Variants in TMEM45B observed in about 807,000 individuals in gnomAD.
The protein encoded by TMEM45B is transmembrane protein 45B.
In TMEM45B, 29 loss-of-function variants were observed where a neutral mutation model predicts 27.3. That is an observed-to-expected ratio of 1.06 (90% CI 0.79 to 1.45). The LOEUF (loss-of-function observed/expected upper bound fraction) is 1.45. TMEM45B is among the 40% of genes most tolerant of loss of function. The pLI is 0.00. For missense variants in TMEM45B, 348 were observed against 343.9 expected (o/e 1.01, Z -0.09); for synonymous variants, 143 against 134.7 (o/e 1.06, Z -0.43).
rs181671995 is a variant in TMEM45B at position 129,851,947 on chromosome 11, G to T, written c.-8-528G>T. Among the ~76,000 whole-genome samples, 40 of 152,160 alleles carry T rather than the reference G, an allele frequency of 2.6e-4. No individual in the cohort carries two copies. The East Asian group carries it at 5.6e-3, about 21-fold the overall frequency. ...TTCGTTTGCCCATCTCTAATTTCCG[G>T]GAGATTTATAATTTGTTTGTATTAT... On this transcript the variant is annotated intron_variant, in intron 1 of 5. Coordinates refer to ENST00000281441, the MANE Select transcript of TMEM45B (RefSeq NM_138788.5).
At chr11:129,846,663 T>TAA (rs372465526) in intron 1 of TMEM45B, among the ~76,000 whole-genome samples, 1 of 151,632 alleles carries the variant, frequency 6.6e-6, no homozygotes, top group African/African-American at 2.4e-5. Context: ...GACAGATGCT[T>TAA]AAAAAAAAAT....
At chr11:129,854,520 C>A in intron 2 of TMEM45B, 90 bp from the exon 3 acceptor site, 3 of 1,359,990 alleles carry the variant, frequency 2.2e-6, no homozygotes, top group Non-Finnish European at 3.1e-6. Context: ...ACCCCATCTC[C>A]GCTTCGCTCA....
chr11:129,820,608 G>A (rs1423067420), intron 1 of TMEM45B, among the ~76,000 whole-genome samples: 3 of 152,270 alleles, frequency 2.0e-5, no homozygotes, highest in South Asian at 2.1e-4. Context: ...GGACGGGCAC[G>A]CCAGGTCATC....
intron 1 of TMEM45B, among the ~76,000 whole-genome samples, chr11:129,816,726 CCA>C (rs1256485708): frequency 2.1e-5 from 3 of 142,914 alleles, no homozygotes; most frequent in African/African-American, 7.6e-5. Context: ...GCAGAAATGG[CCA>C]CTTCTTTTTT....
chr11:129,824,066 A>G (rs992572178), intron 1 of TMEM45B, among the ~76,000 whole-genome samples: 1 of 152,220 alleles, frequency 6.6e-6, no homozygotes, highest in African/African-American at 2.4e-5. Context: ...TGTCAATCAC[A>G]CAGACATCTT....
chr11:129,846,916 T>C (rs927760908), intron 1 of TMEM45B, among the ~76,000 whole-genome samples: 1 of 152,122 alleles, frequency 6.6e-6, no homozygotes, highest in African/African-American at 2.4e-5. Context: ...TTTAAGGGAA[T>C]GGAAGGGATC....
At chr11:129,840,969 A>AT (rs1947683347) in intron 1 of TMEM45B, among the ~76,000 whole-genome samples, 2 of 149,204 alleles carry the variant, frequency 1.3e-5, no homozygotes, top group Non-Finnish European at 3.0e-5. Context: ...AAAAAAAAAA[A>AT]AGCAACAAAC....
At chr11:129,845,145 C>G (rs892776607) in intron 1 of TMEM45B, among the ~76,000 whole-genome samples, 1 of 152,126 alleles carries the variant, frequency 6.6e-6, no homozygotes, top group African/African-American at 2.4e-5. Flanking sequence ...AACTTTATAA[C>G]AAGCCCAAAC....
intron 1 of TMEM45B, among the ~76,000 whole-genome samples, chr11:129,829,090 A>T (rs1947519562): frequency 6.6e-6 from 1 of 152,196 alleles, no homozygotes; most frequent in Admixed American, 6.5e-5. Context: ...TCCCTGTTTT[A>T]GAAGGAGGAG....
At chr11:129,824,191 G>A (rs1947452877) in intron 1 of TMEM45B, among the ~76,000 whole-genome samples, 1 of 152,152 alleles carries the variant, frequency 6.6e-6, no homozygotes, top group Non-Finnish European at 1.5e-5. Context: ...CTCTAGAACA[G>A]TAACTAAACT....
intron 4 of TMEM45B, 87 bp downstream of exon 4, chr11:129,855,979 G>A: frequency 6.7e-7 from 1 of 1,497,910 alleles, no homozygotes; most frequent in Non-Finnish European, 9.1e-7. Flanking sequence ...ACGAGAATAT[G>A]GGGTCTGAAA....
intron 1 of TMEM45B, among the ~76,000 whole-genome samples, chr11:129,826,527 G>A (rs1423343720): frequency 8.2e-6 from 1 of 122,236 alleles, no homozygotes; most frequent in African/African-American, 3.1e-5. Context: ...CCAGCCTGGG[G>A]GACACAGCAA....
intron 1 of TMEM45B, among the ~76,000 whole-genome samples, chr11:129,827,766 C>T (rs1947503425): frequency 6.6e-6 from 1 of 152,144 alleles, no homozygotes; most frequent in Admixed American, 6.5e-5. Context: ...TGCACCATTG[C>T]ACTCTAGCCT....
intron 1 of TMEM45B, among the ~76,000 whole-genome samples, chr11:129,831,809 T>C (rs1014954959): frequency 2.0e-5 from 3 of 152,208 alleles, no homozygotes; most frequent in African/African-American, 7.2e-5. Context: ...GGCCCATGCC[T>C]GTAATCCCAG....
chr11:129,854,063 C>T (rs1391507548), intron 2 of TMEM45B, among the ~76,000 whole-genome samples: 2 of 152,220 alleles, frequency 1.3e-5, no homozygotes, highest in Admixed American at 6.5e-5. Context: ...GCAGGGCTTG[C>T]AGAGCTGGCT....
At position 129,859,107 on chromosome 11, in the gene TMEM45B, T is replaced by C. The variant is rs921859608; in HGVS notation, c.*422T>C. ...TCTTAAGAAAGCAGGTACTTTCTTA[T>C]TAGAAATATGTTAGAATGTGTAAGC... On this transcript the variant is annotated 3_prime_UTR_variant, in exon 6 of 6. Coordinates refer to ENST00000281441, the MANE Select transcript of TMEM45B (RefSeq NM_138788.5). The C allele has an allele frequency of 4.6e-5, 7 of 152,614 alleles. No homozygotes were observed. The highest frequency in any genetic ancestry group is 1.7e-4 in the African/African-American group (7 of 41,462). The allele number at this position is 152,614 out of a possible 1,614,324, so 9.5% of individuals were successfully genotyped here.
rs1253435717 is a variant in TMEM45B, at chr11:129,854,595, C to T, written c.179-15C>T. 1 of 1,613,450 alleles carries T rather than the reference C, an allele frequency of 6.2e-7. No homozygotes were observed. The highest frequency in any genetic ancestry group is 8.5e-7 in the Non-Finnish European group (1 of 1,179,606). On this transcript the variant is annotated splice_polypyrimidine_tract_variant and intron_variant, in intron 2 of 5. Transcript: ENST00000281441. Reference sequence around the variant, plus strand: ...TACTCTTCCCTCTAAAACATCCATCCTCATTTCCCTGCAGGGATCCTGGCA... The same window carrying T: ...TACTCTTCCCTCTAAAACATCCATCTTCATTTCCCTGCAGGGATCCTGGCA...
chr11:129,851,954 T>C (rs1300946238), intron 1 of TMEM45B, among the ~76,000 whole-genome samples: 1 of 152,214 alleles, frequency 6.6e-6, no homozygotes, highest in Admixed American at 6.5e-5. Flanking sequence ...CCGGGAGATT[T>C]ATAATTTGTT....
At chr11:129,857,213 G>T in intron 4 of TMEM45B, 100 bp from the exon 5 acceptor site, 1 of 1,367,746 alleles carries the variant, frequency 7.3e-7, no homozygotes, top group Non-Finnish European at 1.0e-6. Flanking sequence ...ACTATGAGGC[G>T]GTGGTCACAC....
Sources: allele counts gnomAD v4.1 joint callset (sites outside exome capture counted in the v4.1 genomes callset), GRCh38; gene constraint gnomAD v4.1.1; transcripts MANE v1.5; gene names NCBI Gene and HGNC (gene_info 2026-07-23, HGNC 2026-07-21).